Variants in LLGL2 observed in about 807,000 individuals in gnomAD.
LLGL2 encodes the protein LLGL2, scribble cell polarity complex component.
A neutral mutation model predicts 123.2 loss-of-function variants in LLGL2; 81 were observed. The observed-to-expected ratio is 0.66, with a 90% CI of 0.55 to 0.79. The LOEUF is 0.79. Among genes scored for constraint, LLGL2 ranks in the 30% least tolerant of loss-of-function variants. The pLI is 0.00. For missense variants in LLGL2, 1,273 were observed against 1,414.6 expected (o/e 0.90, Z 1.61); for synonymous variants, 577 against 594.1 (o/e 0.97, Z 0.42).
chr17:75,573,656 T>TGGCCC, intron 21 of LLGL2, 25 bp downstream of exon 21: 10 of 1,429,094 alleles, frequency 7.0e-6, no homozygotes, highest in Non-Finnish European at 9.3e-6. Context: ...CAGAGGCCTC[T>TGGCCC]CCCGCCCCTC....
chr17:75,531,195 C>T (rs2053772942), intron 1 of LLGL2, among the ~76,000 whole-genome samples: 1 of 152,154 alleles, frequency 6.6e-6, no homozygotes, highest in Non-Finnish European at 1.5e-5. Context: ...AGGATGTCCT[C>T]TCCTGCCAGG....
At chr17:75,574,384 G>A in intron 23 of LLGL2, 69 bp from the exon 24 acceptor site, 4 of 1,542,036 alleles carry the variant, frequency 2.6e-6, no homozygotes, top group African/African-American at 1.4e-5. Flanking sequence ...CACGGAGAAA[G>A]GGGGTGGAAG....
intron 2 of LLGL2, among the ~76,000 whole-genome samples, chr17:75,548,587 G>T (rs534715229): frequency 6.6e-6 from 1 of 151,956 alleles, no homozygotes; most frequent in African/African-American, 2.4e-5. Context: ...ATCACCTGAG[G>T]TCAGGAGTTC....
intron 1 of LLGL2, among the ~76,000 whole-genome samples, chr17:75,530,804 C>G (rs766212281): frequency 6.6e-6 from 1 of 152,132 alleles, no homozygotes; most frequent in Non-Finnish European, 1.5e-5. Flanking sequence ...GAGTGAGACT[C>G]TAACTCAAAA....
chr17:75,567,445 C>T (rs977609295), intron 10 of LLGL2, among the ~76,000 whole-genome samples: 2 of 151,772 alleles, frequency 1.3e-5, no homozygotes. Flanking sequence ...GCCTGGGCAA[C>T]AAGAGCGAAA....
At position 75,564,856 on chromosome 17, in the gene LLGL2, G is replaced by T; in HGVS notation, c.1036+349G>T. On this transcript the variant is annotated intron_variant, in intron 10 of 25. Transcript: ENST00000392550. The surrounding 1 kb of genome is among the most constrained non-coding windows in gnomAD (Gnocchi z 4.9). The stretch of plus-strand genomic sequence containing the variant: ...TCAGCCTGGGTGACATAGCCAGACT[G>T]TGTCTCAAAAAAAAAAAAAAAAAGG... The T allele has an allele frequency of 1.2e-5, 2 of 162,736 alleles. No individual in the cohort carries two copies. Among genetic ancestry groups the T allele is most frequent in the African/African-American group, 3.3e-5 (1 of 30,458 alleles). The allele number at this position is 162,736 out of a possible 1,614,324, so 10.1% of individuals were successfully genotyped here.
At position 75,563,714 on chromosome 17, in the gene LLGL2, G is replaced by A. The variant is rs767684174; in HGVS notation, c.827-38G>A. ...TGTGGGGACTGACACTTGTCTGAGA[G>A]TTTGAGGATCCGTTCAAGCCGATTC... is the stretch of plus-strand genomic sequence containing the variant. On this transcript the variant is annotated intron_variant, in intron 8 of 25. Coordinates refer to ENST00000392550, the MANE Select transcript of LLGL2 (RefSeq NM_001031803.2). 8.7e-6 allele frequency: 14 copies of A among 1,611,932 alleles called. No individual in the cohort carries two copies. In the South Asian group the frequency reaches 1.4e-4, roughly 16 times the overall value.
intron 2 of LLGL2, among the ~76,000 whole-genome samples, chr17:75,543,756 C>A (rs1430227110): frequency 6.6e-6 from 1 of 152,164 alleles, no homozygotes; most frequent in East Asian, 1.9e-4. Flanking sequence ...GTCACTCCAC[C>A]TCATGGAGCC....
chr17:75,572,783 G>T (rs1271554960), intron 19 of LLGL2, among the ~76,000 whole-genome samples: 1 of 151,450 alleles, frequency 6.6e-6, no homozygotes, highest in Non-Finnish European at 1.5e-5. Flanking sequence ...TCACACCACT[G>T]TACTCCAGCC....
At chr17:75,540,868 A>G (rs1171495009) in intron 1 of LLGL2, among the ~76,000 whole-genome samples, 1 of 152,158 alleles carries the variant, frequency 6.6e-6, no homozygotes, top group African/African-American at 2.4e-5. Context: ...AGTGCCAAGG[A>G]AAGGAGATGG....
chr17:75,558,521 G>C lies in LLGL2; in HGVS notation c.265G>C (p.Val89Leu). ...IHLLPGQCQL[V>L]TLLDDNSLHL... Reference sequence around the variant, plus strand: ...CGTGTGCCCTCGCCAGTGCCAGCTGGTCACCCTGCTGGATGACAACAGCCT... The same window carrying C: ...CGTGTGCCCTCGCCAGTGCCAGCTGCTCACCCTGCTGGATGACAACAGCCT... The change falls in exon 5 of 26, where the codon GTC becomes CTC. Residue 89 changes from valine to leucine, a missense_variant. Coordinates refer to ENST00000392550, the MANE Select transcript of LLGL2 (RefSeq NM_001031803.2). This position sits in a 1 kb window ranked among gnomAD's most constrained non-coding sequence, Gnocchi z 4.0. The C allele has an allele frequency of 6.3e-7, 1 of 1,596,580 alleles. No individual in the cohort carries two copies.
In LLGL2 at chr17:75,569,957, G is replaced by A. The variant is rs1232245320; in HGVS notation, c.1582-6G>A. Reference sequence around the variant, plus strand: ...GGCTTGCTGAGCCACCTGCCACCCTGCGCAGGTGCTGGTACTGGAACTGAA... The same window carrying A: ...GGCTTGCTGAGCCACCTGCCACCCTACGCAGGTGCTGGTACTGGAACTGAA... On this transcript the variant is annotated splice_polypyrimidine_tract_variant and splice_region_variant and intron_variant, in intron 14 of 25. Coordinates refer to ENST00000392550, the MANE Select transcript of LLGL2 (RefSeq NM_001031803.2). The A allele has an allele frequency of 6.3e-7, 1 of 1,580,444 alleles. No individual in the cohort carries two copies. The highest frequency in any genetic ancestry group is 1.7e-5 in the Admixed American group (1 of 57,864).
Position 75,543,301 on chromosome 17 carries a change from A to G in LLGL2, c.-30-96A>G, listed in dbSNP as rs1425679686. 18 of 792,638 alleles carry G rather than the reference A, an allele frequency of 2.3e-5. No homozygotes were observed. The South Asian group carries it at 2.9e-4, about 13-fold the overall frequency. 49.1% of individuals were successfully genotyped at this position (792,638 alleles called of 1,614,324 possible). ...TGGCCCCGGGGTGGCAGCCTACTGGACTTGGAGAGAGAGGCCCTGCTCCAC... is the reference window on the plus strand; with the variant it reads ...TGGCCCCGGGGTGGCAGCCTACTGGGCTTGGAGAGAGAGGCCCTGCTCCAC... On this transcript the variant is annotated intron_variant, in intron 1 of 25. Transcript: ENST00000392550.
intron 2 of LLGL2, among the ~76,000 whole-genome samples, chr17:75,547,203 C>T (rs1041472463): frequency 4.6e-5 from 7 of 152,238 alleles, no homozygotes; most frequent in Non-Finnish European, 1.0e-4. Context: ...CGTCTTGTTT[C>T]TTTGGCTTCA....
chr17:75,566,977 A>G (rs1241713174), intron 10 of LLGL2, among the ~76,000 whole-genome samples: 1 of 152,164 alleles, frequency 6.6e-6, no homozygotes, highest in African/African-American at 2.4e-5. Context: ...TTAAAGAAAA[A>G]AAGAGATGTG....
In LLGL2 at chr17:75,545,600, G is replaced by A. The variant is rs1318247940; in HGVS notation, c.75+2099G>A. ...ATCCCGTCTGCCCTGCCCCTCCCCA[G>A]CCCAGGCTGTGAAGCAGGGAGGCTG... On this transcript the variant is annotated intron_variant, in intron 2 of 25. Transcript: ENST00000392550. 3.3e-5 allele frequency among the ~76,000 whole-genome samples: 5 copies of A among 152,310 alleles called. No individual in the cohort carries two copies. In the East Asian group the frequency reaches 5.8e-4, roughly 18 times the overall value.
In LLGL2 at chr17:75,575,028, G is replaced by T; in HGVS notation, c.*150G>T. 1 of 1,090,182 alleles carries T rather than the reference G, an allele frequency of 9.2e-7. No individual in the cohort carries two copies. The allele number at this position is 1,090,182 out of a possible 1,614,324, so 67.5% of individuals were successfully genotyped here. A position where few individuals can be genotyped will look rare whatever the true frequency, so the allele number is the denominator to read the frequency against. On this transcript the variant is annotated 3_prime_UTR_variant, in exon 26 of 26. Transcript: ENST00000392550. ...CACAATGCAGCTGCTCTGGGCCTCG[G>T]GAGAGGAGAGACCCCAGTCCCCTGG... is the stretch of plus-strand genomic sequence containing the variant.
At chr17:75,535,082 C>G (rs2053948722) in intron 1 of LLGL2, among the ~76,000 whole-genome samples, 1 of 152,208 alleles carries the variant, frequency 6.6e-6, no homozygotes, top group African/African-American at 2.4e-5. Context: ...GACTGGGCTT[C>G]CCAGGGCGAC....
At chr17:75,570,731 G>A (rs1232139159) in intron 16 of LLGL2, among the ~76,000 whole-genome samples, 3 of 152,230 alleles carry the variant, frequency 2.0e-5, no homozygotes, top group Admixed American at 1.3e-4. Flanking sequence ...CCCAGTAAAC[G>A]TTAGTGATTT....
Sources: gnomAD v4.1 joint callset for allele counts (sites outside exome capture counted in the v4.1 genomes callset) on GRCh38, gnomAD v4.1.1 for gene constraint, Gnocchi (gnomAD v3.1) non-coding constraint, MANE v1.5 for transcripts, NCBI Gene and HGNC (gene_info 2026-07-23, HGNC 2026-07-21) for gene names.